The following TRAK2 variants were observed in gnomAD, a reference collection of about 807,000 sequenced individuals.
The protein encoded by TRAK2 is trafficking kinesin-binding protein 2.
Under a neutral mutation model 104.6 loss-of-function variants are expected in TRAK2, and 81 were observed. That is an observed-to-expected ratio of 0.77 (90% CI 0.65 to 0.93). The LOEUF (loss-of-function observed/expected upper bound fraction) is 0.93. Ranked by LOEUF, TRAK2 falls within the 40% of genes least tolerant of loss-of-function variation. TRAK2 has a pLI of 0.00. For synonymous variants in TRAK2, 406 were observed against 394.4 expected (o/e 1.03, Z -0.35); for missense variants, 1,002 against 1,089.0 (o/e 0.92, Z 1.12).
intron 10 of TRAK2, among the ~76,000 whole-genome samples, chr2:201,390,267 G>A (rs1010736986): frequency 6.6e-6 from 1 of 151,666 alleles, no homozygotes; most frequent in African/African-American, 2.4e-5. Context: ...ATAGCTGGCC[G>A]GGTGCGGTGG....
intron 15 of TRAK2, among the ~76,000 whole-genome samples, chr2:201,382,109 CG>C (rs1951350606): frequency 6.6e-6 from 1 of 152,148 alleles, no homozygotes. Flanking sequence ...TTCCATGCCT[CG>C]GTTTACTTTA....
chr2:201,381,299 G>T, intron 15 of TRAK2, 81 bp from the exon 16 acceptor site: 1 of 1,288,600 alleles, frequency 7.8e-7, no homozygotes, highest in Non-Finnish European at 1.1e-6. Flanking sequence ...AGAAATTATA[G>T]TAGTTATCCT....
At chr2:201,415,781 C>A (rs1951686865) in intron 2 of TRAK2, among the ~76,000 whole-genome samples, 1 of 151,896 alleles carries the variant, frequency 6.6e-6, no homozygotes, top group African/African-American at 2.4e-5. Context: ...GAGGCAGAAA[C>A]AGAAAAAATA....
chr2:201,447,602 G>A lies in TRAK2; in HGVS notation c.-200+3748C>T, dbSNP rs1372131495. Among the ~76,000 whole-genome samples, 1 of 152,134 alleles carries A rather than the reference G, an allele frequency of 6.6e-6. No individual in the cohort carries two copies. Among genetic ancestry groups the A allele is most frequent in the Non-Finnish European group, 1.5e-5 (1 of 68,012 alleles). On this transcript the variant is annotated intron_variant, in intron 1 of 15. Coordinates refer to ENST00000332624, the MANE Select transcript of TRAK2 (RefSeq NM_015049.3). This position sits in a 1 kb window ranked among gnomAD's most constrained non-coding sequence, Gnocchi z 4.1. ...TTTCCTTTGTGTGTGCAACTCCTGT[G>A]TCTCTTTTTGTGCTCAAATTTCCTT...
chr2:201,441,897 T>A (rs1951927779), intron 1 of TRAK2, among the ~76,000 whole-genome samples: 1 of 151,436 alleles, frequency 6.6e-6, no homozygotes, highest in African/African-American at 2.4e-5. Context: ...TCACCACATG[T>A]TGGCCAGGCT....
chr2:201,442,286 G>A (rs1034232093), intron 1 of TRAK2, among the ~76,000 whole-genome samples: 1 of 151,638 alleles, frequency 6.6e-6, no homozygotes, highest in African/African-American at 2.4e-5. Flanking sequence ...AGCTACTCGG[G>A]AGGCTGCGGC....
intron 1 of TRAK2, among the ~76,000 whole-genome samples, chr2:201,448,250 T>C (rs1951980735): frequency 2.6e-5 from 4 of 152,250 alleles, no homozygotes. Context: ...AGGTTCTCAA[T>C]AAATGTTAGA....
intron 2 of TRAK2, among the ~76,000 whole-genome samples, chr2:201,416,905 T>C (rs1203428677): frequency 6.6e-6 from 1 of 151,408 alleles, no homozygotes; most frequent in Non-Finnish European, 1.5e-5. Flanking sequence ...ACGGAACAAA[T>C]AGAAAAAGAA....
At position 201,381,013 on chromosome 2, in the gene TRAK2, T is replaced by C. The variant is rs144764061; in HGVS notation, c.2275A>G (p.Ile759Val). 3.0e-4 allele frequency: 479 copies of C among 1,614,020 alleles called. 5 individuals carry two copies. In the South Asian group the frequency reaches 4.5e-3, roughly 15 times the overall value. ...AGAGGCTGGAGGGGGTTCTCTGAAA[T>C]TGGGCTGTGGTACACTTTGGCAGAG... ...GISAKVYHSPISENPLQPLPK... is the reference protein window; with the variant it reads ...GISAKVYHSPVSENPLQPLPK... Residue 759 changes from isoleucine (I) to valine (V), a missense_variant, in exon 16 of 16, where the codon ATT (isoleucine) becomes GTT (valine). Coordinates refer to ENST00000332624, the MANE Select transcript of TRAK2 (RefSeq NM_015049.3).
intron 1 of TRAK2, among the ~76,000 whole-genome samples, chr2:201,439,567 A>G (rs1226879861): frequency 6.6e-6 from 1 of 152,172 alleles, no homozygotes; most frequent in African/African-American, 2.4e-5. Context: ...ATTACTAAGA[A>G]GAGCAATTAC....
rs117318967 is a variant in TRAK2, at chr2:201,447,025, A to G, written c.-200+4325T>C. Among the ~76,000 whole-genome samples the G allele has an allele frequency of 2.0e-5, 3 of 152,340 alleles. No homozygotes were observed. The East Asian group carries it at 5.8e-4, about 29-fold the overall frequency. ...GGCTCTGTTTTAGTTAGACATTTCA[A>G]TATTCTGGGAAAACTGTTAGTTCAG... On this transcript the variant is annotated intron_variant, in intron 1 of 15. Transcript: ENST00000332624. The surrounding 1 kb of genome is among the most constrained non-coding windows in gnomAD (Gnocchi z 4.1).
At chr2:201,418,660 G>C (rs1951713837) in intron 2 of TRAK2, among the ~76,000 whole-genome samples, 1 of 151,850 alleles carries the variant, frequency 6.6e-6, no homozygotes, top group African/African-American at 2.4e-5. Context: ...TTTCAATAAG[G>C]GTAAAGAGAC....
rs144439487 is a variant in TRAK2 at position 201,427,238 on chromosome 2, T to C, written c.-199-6532A>G. Among the ~76,000 whole-genome samples, 24 of 152,336 alleles carry C rather than the reference T, an allele frequency of 1.6e-4. 1 individual carries two copies. The East Asian group carries it at 4.6e-3, about 29-fold the overall frequency. ...GTGCACAATGTGCAGGTTTGTTACA[T>C]ATGTATATATGTGCCATGTTGGTGT... On this transcript the variant is annotated intron_variant, in intron 1 of 15. Coordinates refer to ENST00000332624, the MANE Select transcript of TRAK2 (RefSeq NM_015049.3).
chr2:201,413,885 T>C (rs1951669760), intron 2 of TRAK2, among the ~76,000 whole-genome samples: 1 of 152,222 alleles, frequency 6.6e-6, no homozygotes, highest in East Asian at 1.9e-4. Flanking sequence ...GTGTCTAATC[T>C]ACTTATTGTC....
chr2:201,410,802 A>G lies in TRAK2; in HGVS notation c.92-3205T>C. 4 of 1,606,810 alleles carry G rather than the reference A, an allele frequency of 2.5e-6. No homozygotes were observed. The South Asian group carries it at 4.4e-5, about 18-fold the overall frequency. ...TGCTAACTTTGGGTTTCTGAGGGCCAAAGAGATTATTAAGGGCAGACATAT... is the reference window on the plus strand; with the variant it reads ...TGCTAACTTTGGGTTTCTGAGGGCCGAAGAGATTATTAAGGGCAGACATAT... On this transcript the variant is annotated intron_variant, in intron 2 of 15. Transcript: ENST00000332624.
rs1335914476 is a variant in TRAK2 at position 201,387,999 on chromosome 2, C to T, written c.1400G>A (p.Ser467Asn). ...TCCTGGTTGGCCCATCTTCTGGGAG[C>T]TCCTATAGGAAAATCGCGTTCACTG... The part of the protein sequence containing the change: ...QGSSSEEVAG[S>N]SQKMGQPGPS... Residue 467 changes from serine to asparagine, a missense_variant and splice_region_variant, in exon 13 of 16, where the codon AGC (serine) becomes AAC (asparagine). Physicochemically the swap from Ser to Asn is conservative, Grantham distance 46 (BLOSUM62 1). Coordinates refer to ENST00000332624, the MANE Select transcript of TRAK2 (RefSeq NM_015049.3). The T allele has an allele frequency of 3.1e-6, 5 of 1,613,970 alleles. No individual in the cohort carries two copies. Among genetic ancestry groups the T allele is most frequent in the South Asian group, 2.2e-5 (2 of 91,070 alleles).
At chr2:201,394,704 T>A (rs1951484053) in intron 9 of TRAK2, 94 bp downstream of exon 9, 2 of 1,033,322 alleles carry the variant, frequency 1.9e-6, no homozygotes, top group African/African-American at 3.2e-5. Context: ...TTTTTAAATC[T>A]GGTAATTCCC....
At position 201,379,088 on chromosome 2, in the gene TRAK2, CT is replaced by C. The variant is rs989417730; in HGVS notation, c.*1454del. 2.0e-5 allele frequency: 3 copies of C among 152,136 alleles called. No individual in the cohort carries two copies. The highest frequency in any genetic ancestry group is 4.8e-5 in the African/African-American group (2 of 41,432). The allele number at this position is 152,136 out of a possible 1,614,324, so 9.4% of individuals were successfully genotyped here. A position where few individuals can be genotyped will look rare whatever the true frequency, so the allele number is the denominator to read the frequency against. The stretch of plus-strand genomic sequence containing the variant: ...TTTCATAAACAAAATAATTAGTCCC[CT>C]CTCTCATCTTTTCTCTATCATGTCT... On this transcript the variant is annotated 3_prime_UTR_variant, in exon 16 of 16. Coordinates refer to ENST00000332624, the MANE Select transcript of TRAK2 (RefSeq NM_015049.3).
intron 2 of TRAK2, among the ~76,000 whole-genome samples, chr2:201,416,196 T>C (rs1225571188): frequency 7.2e-6 from 1 of 138,420 alleles, no homozygotes; most frequent in East Asian, 2.1e-4. Flanking sequence ...AAGACCAGCT[T>C]GGCAACATAG....
Sources: gnomAD v4.1 joint callset for allele counts (sites outside exome capture counted in the v4.1 genomes callset) on GRCh38, gnomAD v4.1.1 for gene constraint, Gnocchi (gnomAD v3.1) non-coding constraint, MANE v1.5 for transcripts, NCBI Gene and HGNC (gene_info 2026-07-23, HGNC 2026-07-21) for gene names.